The following SEC14L3 variants were observed in gnomAD, a reference collection of about 807,000 sequenced individuals.
The protein encoded by SEC14L3 is SEC14 like lipid binding 3.
A neutral mutation model predicts 57.4 loss-of-function variants in SEC14L3; 56 were observed. The ratio of observed to expected loss-of-function variants is 0.97; its 90% CI spans 0.79 to 1.22. SEC14L3 has a LOEUF of 1.22. Ranked by LOEUF, SEC14L3 falls within the 50% of genes most tolerant of loss-of-function variation. The pLI is 0.00. For synonymous variants in SEC14L3, 173 were observed against 194.4 expected, an observed-to-expected ratio of 0.89 and a Z score of 0.92; for missense variants, 485 against 511.7, an observed-to-expected ratio of 0.95 and a Z score of 0.50.
At chr22:30,470,723 T>C in intron 1 of SEC14L3, 141 bp from the exon 2 acceptor site, 2 of 1,491,164 alleles carry the variant, frequency 1.3e-6, no homozygotes, top group Non-Finnish European at 1.8e-6. Flanking sequence ...AATGGTTGAA[T>C]AGAAGGGCAG....
rs142573310 is a variant in SEC14L3, at chr22:30,460,104, C to T, written c.1120G>A (p.Ala374Thr). The change falls in exon 12 of 12, where the codon GCC (alanine) becomes ACC (threonine). Residue 374 changes from alanine to threonine, a missense_variant. Transcript: ENST00000215812. The part of the protein sequence containing the change: ...RFDNTYSFVH[A>T]KKVSFTVEVL... ...TCCACTGTGAAGCTGACCTTCTTGG[C>T]GTGGACAAAGCTATAGGTGTTGTCG... The T allele has an allele frequency of 4.6e-4, 748 of 1,614,032 alleles. 1 individual carries two copies. The highest frequency in any genetic ancestry group is 5.7e-4 in the Non-Finnish European group (674 of 1,180,036).
At chr22:30,457,673 G>C (rs976502766), downstream of SEC14L3, among the ~76,000 whole-genome samples, 7 of 140,766 alleles carry the variant, frequency 5.0e-5, no homozygotes, top group Non-Finnish European at 1.1e-4. Flanking sequence ...ATGAGCCACT[G>C]CACCTGGCCA....
At chr22:30,454,608 ATTATTAG>A, downstream of SEC14L3, among the ~76,000 whole-genome samples, 2 of 115,598 alleles carry the variant, frequency 1.7e-5, no homozygotes, top group Admixed American at 1.1e-4. Context: ...AATCTATAAT[ATTATTAG>A]ATATAATCTA....
downstream of SEC14L3, among the ~76,000 whole-genome samples, chr22:30,454,774 T>A (rs1427400827): frequency 2.5e-5 from 2 of 79,532 alleles, no homozygotes; most frequent in Non-Finnish European, 4.2e-5. Context: ...ATATATAATA[T>A]ATTATTATAT....
rs186237625 is a variant in SEC14L3 at position 30,462,390 on chromosome 22, G to A, written c.665-198C>T. 333 of 380,242 alleles carry A rather than the reference G, an allele frequency of 8.8e-4. 1 individual carries two copies. The highest frequency in any genetic ancestry group is 6.8e-3 in the African/African-American group (311 of 45,600). 23.6% of individuals were successfully genotyped at this position (380,242 alleles called of 1,614,324 possible). A position where few individuals can be genotyped will look rare whatever the true frequency, so the allele number is the denominator to read the frequency against. On this transcript the variant is annotated intron_variant, in intron 8 of 11. Coordinates refer to ENST00000215812, the MANE Select transcript of SEC14L3 (RefSeq NM_174975.5). The stretch of plus-strand genomic sequence containing the variant: ...GTGTTGCTGTGGAAATGTGTTTCCC[G>A]CCTTGATAGATGAATCAGCACTTTT...
rs779615608 is a variant in SEC14L3 at position 30,470,201 on chromosome 22, A to T, written c.174+11T>A. On this transcript the variant is annotated intron_variant, in intron 3 of 11. Transcript: ENST00000215812. ...TCCCCTCCATAAATTTCCAGAGTGGATAGGTCTCACCTTGCGGAGCAAAGC... is the reference window on the plus strand; with the variant it reads ...TCCCCTCCATAAATTTCCAGAGTGGTTAGGTCTCACCTTGCGGAGCAAAGC... 3 of 1,614,010 alleles carry T rather than the reference A, an allele frequency of 1.9e-6. No homozygotes were observed. Among genetic ancestry groups the T allele is most frequent in the African/African-American group, 1.3e-5 (1 of 74,940 alleles).
chr22:30,455,550 G>T (rs1935105935), downstream of SEC14L3, among the ~76,000 whole-genome samples: 1 of 152,082 alleles, frequency 6.6e-6, no homozygotes, highest in South Asian at 2.1e-4. Context: ...GGCCTGTGTT[G>T]CCTTAACCTT....
At chr22:30,462,283 A>G in intron 8 of SEC14L3, 91 bp from the exon 9 acceptor site, 1 of 1,491,324 alleles carries the variant, frequency 6.7e-7, no homozygotes, top group East Asian at 2.4e-5. Flanking sequence ...ACTGGGGGAG[A>G]AGCCCTATAG....
downstream of SEC14L3, among the ~76,000 whole-genome samples, chr22:30,455,104 T>C (rs767708695): frequency 1.5e-4 from 4 of 26,704 alleles, no homozygotes; most frequent in Non-Finnish European, 5.5e-5. Flanking sequence ...TATAATATAT[T>C]TAATATTTAA....
At chr22:30,467,347 C>G (rs1935453816) in intron 5 of SEC14L3, among the ~76,000 whole-genome samples, 1 of 150,242 alleles carries the variant, frequency 6.7e-6, no homozygotes, top group Non-Finnish European at 1.5e-5. Flanking sequence ...ATTGAACCAT[C>G]CATCCATTCA....
chr22:30,464,448 T>G (rs113367844), intron 8 of SEC14L3, among the ~76,000 whole-genome samples: 5 of 152,242 alleles, frequency 3.3e-5, no homozygotes, highest in African/African-American at 9.6e-5. Context: ...CTGTTGTTTT[T>G]GAGATAGGTT....
intron 9 of SEC14L3, 118 bp from the exon 10 acceptor site, chr22:30,461,812 C>T: frequency 7.2e-7 from 1 of 1,389,804 alleles, no homozygotes; most frequent in Non-Finnish European, 9.8e-7. Context: ...GCCCCACTCT[C>T]CCACCTCCTC....
chr22:30,468,923 T>C (rs1935515741), intron 4 of SEC14L3: 1 of 1,485,612 alleles, frequency 6.7e-7, no homozygotes, highest in Non-Finnish European at 9.0e-7. Context: ...CCCTTGGACT[T>C]CTTAGGTCTG....
intron 12 of SEC14L3, among the ~76,000 whole-genome samples, chr22:30,451,618 A>G (rs1026868018): frequency 5.3e-5 from 8 of 152,148 alleles, no homozygotes; most frequent in African/African-American, 1.9e-4. Context: ...GAAATTCTTG[A>G]GTTTGCAGGA....
chr22:30,471,844 C>T, intron 1 of SEC14L3, 61 bp downstream of exon 1: 1 of 1,610,718 alleles, frequency 6.2e-7, no homozygotes, highest in Non-Finnish European at 8.5e-7. Context: ...CCAGCCACTT[C>T]TTTCCACCCC....
At chr22:30,471,693 G>A (rs1349638218) in intron 1 of SEC14L3, among the ~76,000 whole-genome samples, 3 of 152,216 alleles carry the variant, frequency 2.0e-5, no homozygotes, top group Non-Finnish European at 4.4e-5. Flanking sequence ...CCACGTTATT[G>A]CCTGGAAGTG....
intron 12 of SEC14L3, among the ~76,000 whole-genome samples, chr22:30,450,848 G>A (rs1380892666): frequency 1.3e-5 from 2 of 152,214 alleles, no homozygotes; most frequent in Non-Finnish European, 2.9e-5. Flanking sequence ...GAAACTGTAG[G>A]TGGGCTCTTC....
At chr22:30,463,532 G>T (rs1457645161) in intron 8 of SEC14L3, among the ~76,000 whole-genome samples, 2 of 152,214 alleles carry the variant, frequency 1.3e-5, no homozygotes, top group African/African-American at 2.4e-5. Flanking sequence ...GAAGGCATGA[G>T]CCTGGACCCT....
intron 1 of SEC14L3, chr22:30,471,240 G>T (rs933615865): frequency 2.2e-6 from 1 of 447,726 alleles, no homozygotes; most frequent in Non-Finnish European, 4.5e-6. Flanking sequence ...AGCTGAGATC[G>T]CTCCACAGCA....
Sources: gnomAD v4.1 joint callset for allele counts (sites outside exome capture counted in the v4.1 genomes callset) on GRCh38, gnomAD v4.1.1 for gene constraint, MANE v1.5 for transcripts, NCBI Gene and HGNC (gene_info 2026-07-23, HGNC 2026-07-21) for gene names.